The following ZNF277 variants were observed in gnomAD, a reference collection of about 807,000 sequenced individuals.
ZNF277 encodes the protein nuclear receptor-interacting factor 4.
A neutral mutation model predicts 60.7 loss-of-function variants in ZNF277; 55 were observed. The ratio of observed to expected loss-of-function variants is 0.91; its 90% confidence interval spans 0.73 to 1.13. ZNF277 has a LOEUF of 1.13. ZNF277 is among the 50% of genes most tolerant of loss of function. ZNF277 has a pLI of 0.00. For missense variants in ZNF277, 510 were observed against 523.0 expected, an observed-to-expected ratio of 0.98 and a Z score of 0.24; for synonymous variants, 178 against 179.3, an observed-to-expected ratio of 0.99 and a Z score of 0.06.
chr7:112,273,590 T>C (rs982138622), intron 1 of ZNF277, among the ~76,000 whole-genome samples: 3 of 152,328 alleles, frequency 2.0e-5, no homozygotes, highest in South Asian at 2.1e-4. Context: ...TTCAATTTGG[T>C]GTTCCTGCCA....
Position 112,321,295 on chromosome 7 carries a change from A to G in ZNF277, c.557+3022A>G, listed in dbSNP as rs553805651. On this transcript the variant is annotated intron_variant, in intron 5 of 11. Transcript: ENST00000361822. ...CCTGGGGATTGCAATTAACATTTCAATTGAAAACAATCTGTTTCAGGTTAA... is the reference window on the plus strand; with the variant it reads ...CCTGGGGATTGCAATTAACATTTCAGTTGAAAACAATCTGTTTCAGGTTAA... 1.2e-3 allele frequency among the ~76,000 whole-genome samples: 179 copies of G among 152,116 alleles called. 1 individual carries two copies. Among genetic ancestry groups the G allele is most frequent in the African/African-American group, 3.8e-3 (159 of 41,518 alleles).
intron 9 of ZNF277, among the ~76,000 whole-genome samples, chr7:112,338,919 C>G (rs1455205283): frequency 6.6e-6 from 1 of 152,100 alleles, no homozygotes; most frequent in African/African-American, 2.4e-5. Flanking sequence ...AAATGCCATC[C>G]CAGTGAGTTA....
At chr7:112,279,784 T>TA (rs1011187752) in intron 1 of ZNF277, among the ~76,000 whole-genome samples, 1 of 152,132 alleles carries the variant, frequency 6.6e-6, no homozygotes, top group African/African-American at 2.4e-5. Context: ...GAAATATTTT[T>TA]AAAAAACATA....
intron 1 of ZNF277, among the ~76,000 whole-genome samples, chr7:112,259,079 T>G (rs1357228493): frequency 6.6e-6 from 1 of 152,154 alleles, no homozygotes; most frequent in Admixed American, 6.5e-5. Flanking sequence ...ATATTAACCA[T>G]CTGTATTAAT....
Position 112,309,066 on chromosome 7 carries a change from G to C in ZNF277, c.466-9116G>C, listed in dbSNP as rs184018097. Among the ~76,000 whole-genome samples the C allele has an allele frequency of 6.8e-4, 103 of 152,112 alleles. 1 individual carries two copies. The highest frequency in any genetic ancestry group is 2.3e-3 in the African/African-American group (96 of 41,520). Reference sequence around the variant, plus strand: ...AAGAGAGGGTACCTTTTGAATGAAGGCTTTACGATCTACTTTAGGGGGAAA... The same window carrying C: ...AAGAGAGGGTACCTTTTGAATGAAGCCTTTACGATCTACTTTAGGGGGAAA... On this transcript the variant is annotated intron_variant, in intron 4 of 11. Coordinates refer to ENST00000361822, the MANE Select transcript of ZNF277 (RefSeq NM_021994.3).
intron 2 of ZNF277, among the ~76,000 whole-genome samples, chr7:112,294,979 A>G: frequency 6.6e-6 from 1 of 152,124 alleles, no homozygotes; most frequent in Middle Eastern, 3.2e-3. Context: ...TATATTCTTC[A>G]TCTATTTCAA....
chr7:112,282,910 CT>C (rs1423578666), intron 1 of ZNF277, among the ~76,000 whole-genome samples: 1 of 152,182 alleles, frequency 6.6e-6, no homozygotes, highest in African/African-American at 2.4e-5. Context: ...GTGGAATCTC[CT>C]TCATAGGGTT....
At chr7:112,291,867 A>T (rs1792213271) in intron 2 of ZNF277, among the ~76,000 whole-genome samples, 1 of 152,172 alleles carries the variant, frequency 6.6e-6, no homozygotes. Flanking sequence ...GTAAGATATG[A>T]TGCCTAATTT....
chr7:112,317,255 A>G (rs1177621492), intron 4 of ZNF277, among the ~76,000 whole-genome samples: 3 of 152,104 alleles, frequency 2.0e-5, no homozygotes, highest in Middle Eastern at 3.2e-3. Context: ...ACATGTCACT[A>G]TGTAACAAAC....
At chr7:112,261,123 G>A (rs1252530930) in intron 1 of ZNF277, among the ~76,000 whole-genome samples, 2 of 152,134 alleles carry the variant, frequency 1.3e-5, no homozygotes, top group East Asian at 1.9e-4. Context: ...AACTTCAGCC[G>A]TTGGTCAGTT....
At chr7:112,328,069 C>T (rs1321935913) in intron 6 of ZNF277, 5 of 311,590 alleles carry the variant, frequency 1.6e-5, no homozygotes, top group Non-Finnish European at 2.3e-5. Flanking sequence ...CAATGTATGC[C>T]GTATAGGATA....
intron 1 of ZNF277, among the ~76,000 whole-genome samples, chr7:112,265,571 C>T (rs972896076): frequency 1.3e-5 from 2 of 152,078 alleles, no homozygotes; most frequent in African/African-American, 2.4e-5. Context: ...AAAGTGAGCA[C>T]GTGCTGTTGG....
In ZNF277 at chr7:112,335,768, T is replaced by C. The variant is rs1037501178; in HGVS notation, c.802-336T>C. On this transcript the variant is annotated intron_variant, in intron 7 of 11. Coordinates refer to ENST00000361822, the MANE Select transcript of ZNF277 (RefSeq NM_021994.3). ...TAACAATGAACAAAGGCCATTAGAATCCCAGATATTCTAATACTCATTCAG... is the reference window on the plus strand; with the variant it reads ...TAACAATGAACAAAGGCCATTAGAACCCCAGATATTCTAATACTCATTCAG... 9.8e-5 allele frequency among the ~76,000 whole-genome samples: 15 copies of C among 152,314 alleles called. No homozygotes were observed. In the East Asian group the frequency reaches 2.1e-3, roughly 22 times the overall value.
intron 1 of ZNF277, among the ~76,000 whole-genome samples, chr7:112,220,614 CT>C (rs1376680307): frequency 1.3e-5 from 2 of 152,166 alleles, no homozygotes; most frequent in African/African-American, 2.4e-5. Context: ...AAACTTTTAA[CT>C]TTTCACTGCT....
At position 112,327,704 on chromosome 7, in the gene ZNF277, A is replaced by C. The variant is rs753976799; in HGVS notation, c.558-13A>C. The C allele has an allele frequency of 6.2e-7, 1 of 1,603,406 alleles. No individual in the cohort carries two copies. Among genetic ancestry groups the C allele is most frequent in the African/African-American group, 1.3e-5 (1 of 74,676 alleles). On this transcript the variant is annotated splice_polypyrimidine_tract_variant and intron_variant, in intron 5 of 11. Transcript: ENST00000361822. ...ATTTGTGAATAATCCTAATTGCTCA[A>C]ATTTCTTCCTAGATCTGTTATTTTG...
chr7:112,277,434 TACAC>T (rs978831602), intron 1 of ZNF277, among the ~76,000 whole-genome samples: 1 of 152,164 alleles, frequency 6.6e-6, no homozygotes, highest in African/African-American at 2.4e-5. Context: ...AAAATTAACA[TACAC>T]ACAGTATTTA....
chr7:112,212,347 A>G (rs1821773541), intron 1 of ZNF277, among the ~76,000 whole-genome samples: 1 of 152,216 alleles, frequency 6.6e-6, no homozygotes, highest in Admixed American at 6.5e-5. Flanking sequence ...TGACATGGCA[A>G]TGGAAAGAGG....
chr7:112,318,251 A>C lies in ZNF277; in HGVS notation c.535A>C (p.Asn179His). The change falls in exon 5 of 12, where the codon AAT becomes CAT. Residue 179 changes from asparagine to histidine, a missense_variant. Asn to His is a moderately conservative substitution (Grantham distance 68). Coordinates refer to ENST00000361822, the MANE Select transcript of ZNF277 (RefSeq NM_021994.3). Reference protein sequence around the residue: ...TNFHGVCMFCNEEFLGNRSVI... With the variant: ...TNFHGVCMFCHEEFLGNRSVI... ...TTTTCATGGCGTTTGTATGTTTTGC[A>C]ATGAAGAATTCCTTGGAAACAGGTT... The C allele has an allele frequency of 3.7e-6, 6 of 1,613,350 alleles. No homozygotes were observed. Among genetic ancestry groups the C allele is most frequent in the Non-Finnish European group, 5.1e-6 (6 of 1,179,394 alleles).
At chr7:112,294,248 A>G (rs563289103) in intron 2 of ZNF277, among the ~76,000 whole-genome samples, 1 of 152,316 alleles carries the variant, frequency 6.6e-6, no homozygotes, top group South Asian at 2.1e-4. Context: ...AGAGACTAGG[A>G]GTAGCCATGT....
Sources: gnomAD v4.1 joint callset for allele counts (sites outside exome capture counted in the v4.1 genomes callset) on GRCh38, gnomAD v4.1.1 for gene constraint, MANE v1.5 for transcripts, NCBI Gene and HGNC (gene_info 2026-07-23, HGNC 2026-07-21) for gene names.